The following ZBTB20 variants were observed in gnomAD, a reference collection of about 807,000 sequenced individuals.
ZBTB20 encodes zinc finger and BTB domain-containing protein 20.
A neutral mutation model predicts 56.9 loss-of-function variants in ZBTB20; 9 were observed. That is an observed-to-expected ratio of 0.16 (90% CI 0.10 to 0.28). The LOEUF (loss-of-function observed/expected upper bound fraction) is 0.28, where lower values mean the gene tolerates loss of function less well. ZBTB20 is among the 10% of genes least tolerant of loss of function. ZBTB20 has a pLI of 1.00. For missense variants in ZBTB20, 655 were observed against 1,003.0 expected, an observed-to-expected ratio of 0.65 and a Z score of 4.69; for synonymous variants, 417 against 420.7, an observed-to-expected ratio of 0.99 and a Z score of 0.11.
intron 4 of ZBTB20, among the ~76,000 whole-genome samples, chr3:114,849,077 T>C (rs2074864839): frequency 1.3e-5 from 2 of 152,222 alleles, no homozygotes; most frequent in South Asian, 4.1e-4. Context: ...TTTCAAAATA[T>C]TAAATTTCAT....
intron 6 of ZBTB20, among the ~76,000 whole-genome samples, chr3:114,586,916 T>C (rs1437355019): frequency 6.6e-6 from 1 of 152,082 alleles, no homozygotes; most frequent in African/African-American, 2.4e-5. Flanking sequence ...TAAACATCAT[T>C]TATTCTTTCT....
chr3:114,708,543 G>A (rs2063856479), intron 5 of ZBTB20, among the ~76,000 whole-genome samples: 2 of 152,110 alleles, frequency 1.3e-5, no homozygotes, highest in African/African-American at 4.8e-5. Flanking sequence ...GTGAAAGACT[G>A]GTAACCTTGT....
chr3:114,575,704 C>T (rs888384436), intron 6 of ZBTB20, among the ~76,000 whole-genome samples: 1 of 151,896 alleles, frequency 6.6e-6, no homozygotes, highest in Non-Finnish European at 1.5e-5. Context: ...ATGATGATTG[C>T]TATATATATT....
At chr3:114,981,627 A>G (rs2078332115) in intron 2 of ZBTB20, among the ~76,000 whole-genome samples, 1 of 152,032 alleles carries the variant, frequency 6.6e-6, no homozygotes, top group Non-Finnish European at 1.5e-5. Context: ...TTTTATTTGT[A>G]TTTACTTATT....
At position 114,877,647 on chromosome 3, in the gene ZBTB20, T is replaced by C. The variant is rs1470693905; in HGVS notation, c.-417+22657A>G. 5.3e-5 allele frequency among the ~76,000 whole-genome samples: 8 copies of C among 152,210 alleles called. No homozygotes were observed. The South Asian group carries it at 8.3e-4, about 16-fold the overall frequency. On this transcript the variant is annotated intron_variant, in intron 4 of 11. Coordinates refer to ENST00000675478, the MANE Select transcript of ZBTB20 (RefSeq NM_001348800.3). ...AATATTTTTAAAACACACACATATA[T>C]ATAAGCACAAAAGAAAGGTCAGGAA...
At chr3:114,956,392 T>G (rs2077247360) in intron 3 of ZBTB20, among the ~76,000 whole-genome samples, 1 of 152,228 alleles carries the variant, frequency 6.6e-6, no homozygotes, top group East Asian at 1.9e-4. Context: ...GCAGGTCTTC[T>G]GATGACTTAG....
At chr3:114,962,703 C>T (rs1393093658) in intron 3 of ZBTB20, among the ~76,000 whole-genome samples, 2 of 151,896 alleles carry the variant, frequency 1.3e-5, no homozygotes, top group African/African-American at 4.8e-5. Context: ...TTTGACTGAA[C>T]AAAAAACAGC....
chr3:115,052,732 T>C (rs535044398), intron 2 of ZBTB20, among the ~76,000 whole-genome samples: 70 of 152,146 alleles, frequency 4.6e-4, no homozygotes, highest in Non-Finnish European at 8.2e-4. Context: ...TTTGTTATAA[T>C]GTTTGAGGTA....
chr3:114,479,297 A>T (rs1199574775), intron 7 of ZBTB20, among the ~76,000 whole-genome samples: 1 of 151,678 alleles, frequency 6.6e-6, no homozygotes, highest in Non-Finnish European at 1.5e-5. Context: ...AAGGACTTAT[A>T]AAAAAAAATC....
At chr3:114,406,827 T>A (rs190954989) in intron 7 of ZBTB20, among the ~76,000 whole-genome samples, 2 of 152,320 alleles carry the variant, frequency 1.3e-5, no homozygotes, top group Admixed American at 1.3e-4. Flanking sequence ...CCATATATTT[T>A]AAAATGTTTT....
intron 7 of ZBTB20, among the ~76,000 whole-genome samples, chr3:114,484,012 C>T (rs140561725): frequency 6.6e-6 from 1 of 152,104 alleles, no homozygotes; most frequent in East Asian, 1.9e-4. Context: ...ACTCTTTGCA[C>T]AAATGACAAA....
At chr3:114,583,537 G>A (rs572230446) in intron 6 of ZBTB20, among the ~76,000 whole-genome samples, 6 of 152,004 alleles carry the variant, frequency 3.9e-5, no homozygotes, top group Admixed American at 6.6e-5. Flanking sequence ...CACCAAGAAC[G>A]TTACAGTATG....
At chr3:114,756,027 C>A (rs2067986286) in intron 5 of ZBTB20, among the ~76,000 whole-genome samples, 1 of 152,050 alleles carries the variant, frequency 6.6e-6, no homozygotes. Flanking sequence ...TTTTTATATC[C>A]TTTCCTTTAT....
chr3:114,969,303 T>C (rs922934504), intron 3 of ZBTB20, among the ~76,000 whole-genome samples: 6 of 152,118 alleles, frequency 3.9e-5, no homozygotes, highest in Admixed American at 6.5e-5. Context: ...ATTTGTGCAA[T>C]TGTGGAGAGA....
At chr3:114,455,048 GAGA>G (rs2091920646) in intron 7 of ZBTB20, among the ~76,000 whole-genome samples, 1 of 139,330 alleles carries the variant, frequency 7.2e-6, no homozygotes, top group African/African-American at 2.6e-5. Context: ...AGGGGGAAGA[GAGA>G]GAGGGGGGGG....
intron 7 of ZBTB20, among the ~76,000 whole-genome samples, chr3:114,411,889 C>T (rs1289765179): frequency 6.6e-6 from 1 of 152,082 alleles, no homozygotes; most frequent in African/African-American, 2.4e-5. Context: ...ACTGAATGTC[C>T]AGATGCAAGG....
At chr3:114,620,933 T>G (rs1042671550) in intron 6 of ZBTB20, among the ~76,000 whole-genome samples, 1 of 152,190 alleles carries the variant, frequency 6.6e-6, no homozygotes, top group Non-Finnish European at 1.5e-5. Flanking sequence ...CTTGAAAAGT[T>G]ATCAGAAAAA....
At chr3:114,861,087 A>T (rs1374158948) in intron 4 of ZBTB20, among the ~76,000 whole-genome samples, 1 of 152,094 alleles carries the variant, frequency 6.6e-6, no homozygotes. Flanking sequence ...ACCTTTTGTT[A>T]CCCATGACTG....
At chr3:114,344,730 C>T (rs1033625495) in intron 11 of ZBTB20, among the ~76,000 whole-genome samples, 3 of 152,160 alleles carry the variant, frequency 2.0e-5, no homozygotes, top group African/African-American at 7.2e-5. Flanking sequence ...AATTAATAGT[C>T]CAAGCTCCAT....
Sources: allele counts gnomAD v4.1 joint callset (sites outside exome capture counted in the v4.1 genomes callset), GRCh38; gene constraint gnomAD v4.1.1; transcripts MANE v1.5; gene names NCBI Gene and HGNC (gene_info 2026-07-23, HGNC 2026-07-21).